The following UMODL1 variants were observed in gnomAD, a reference collection of about 807,000 sequenced individuals.
The protein encoded by UMODL1 is uromodulin-like 1.
UMODL1 carries 128 observed loss-of-function variants against 136.3 expected under a neutral mutation model. That is an observed-to-expected ratio of 0.94 (90% CI 0.81 to 1.09). The LOEUF is 1.09. Ranked by LOEUF, UMODL1 falls within the 50% of genes least tolerant of loss-of-function variation. The pLI is 0.00. For missense variants in UMODL1, 1,766 were observed against 1,725.6 expected (o/e 1.02, Z -0.41); for synonymous variants, 721 against 720.0 (o/e 1.00, Z -0.02).
chr21:42,125,533 G>C (rs563934341), intron 17 of UMODL1, among the ~76,000 whole-genome samples: 53 of 152,294 alleles, frequency 3.5e-4, no homozygotes, highest in African/African-American at 1.0e-3. Flanking sequence ...TCACCCTTCA[G>C]CCCCTCAAAT....
chr21:42,090,207 C>G lies in UMODL1; in HGVS notation c.791-91C>G. 4 of 1,552,068 alleles carry G rather than the reference C, an allele frequency of 2.6e-6. No individual in the cohort carries two copies. The South Asian group carries it at 3.6e-5, about 14-fold the overall frequency. ...ACCGACGTGGCACAAATCCGTGGCA[C>G]GAGTCCACAGAGGCCGTGTGTGTGC... On this transcript the variant is annotated intron_variant, in intron 5 of 22. Transcript: ENST00000408910.
At chr21:42,138,127 C>G (rs1032224668) in intron 22 of UMODL1, among the ~76,000 whole-genome samples, 1 of 152,132 alleles carries the variant, frequency 6.6e-6, no homozygotes, top group African/African-American at 2.4e-5. Context: ...CTTGACCACC[C>G]GGGCAAGGTC....
At position 42,123,182 on chromosome 21, in the gene UMODL1, C is replaced by T. The variant is rs2067003316; in HGVS notation, c.3147+32C>T. The T allele has an allele frequency of 6.3e-7, 1 of 1,581,744 alleles. No individual in the cohort carries two copies. The highest frequency in any genetic ancestry group is 8.6e-7 in the Non-Finnish European group (1 of 1,161,118). On this transcript the variant is annotated intron_variant, in intron 17 of 22. Transcript: ENST00000408910. This position sits in a 1 kb window ranked among gnomAD's most constrained non-coding sequence, Gnocchi z 4.4. ...CCAGGAGAGCCAGGCTCAGGATGTA[C>T]ACTAGGGCGCAAGGGGCTCTAGGTT...
upstream of UMODL1, among the ~76,000 whole-genome samples, chr21:42,066,651 A>G (rs1000834700): frequency 6.6e-6 from 1 of 152,194 alleles, no homozygotes. Context: ...ATAGGAGTTC[A>G]TTCTTCTTCT....
Position 42,121,193 on chromosome 21 carries a change from C to A in UMODL1, c.2796C>A (p.Phe932Leu). 6.2e-7 allele frequency: 1 copy of A among 1,613,946 alleles called. No homozygotes were observed. The highest frequency in any genetic ancestry group is 8.5e-7 in the Non-Finnish European group (1 of 1,179,938). ...GCTGCGAGGGAGGAGCCCCCGACTT[C>A]CCTGTGGAATATTCTGAGAGACCCT... ...TCSCEGGAPD[F>L]PVEYSERPCE... is the part of the protein sequence containing the mutation. Residue 932 changes from phenylalanine to leucine, a missense_variant, in exon 16 of 23, where the codon TTC (phenylalanine) becomes TTA (leucine). By Grantham distance (22) the Phe-to-Leu change is conservative. Coordinates refer to ENST00000408910, the MANE Select transcript of UMODL1 (RefSeq NM_001004416.3).
chr21:42,082,456 G>T (rs1569143744), intron 2 of UMODL1, among the ~76,000 whole-genome samples: 1 of 152,208 alleles, frequency 6.6e-6, no homozygotes, highest in Non-Finnish European at 1.5e-5. Flanking sequence ...ACATCCCCGG[G>T]CCATAGACAC....
rs766277337 is a variant in UMODL1 at position 42,129,732 on chromosome 21, T to G, written c.3710T>G (p.Leu1237Trp). The change falls in exon 21 of 23, where the codon TTG (leucine) becomes TGG (tryptophan). Residue 1237 changes from leucine (L) to tryptophan (W), a missense_variant. Coordinates refer to ENST00000408910, the MANE Select transcript of UMODL1 (RefSeq NM_001004416.3). ...AAACAGAATTGCAATAACTTTCGGT[T>G]GCTGCAAAATAGTGAAACCTCTGCC... Reference protein sequence around the residue: ...TCKINCNNFRLLQNSETSATH... With the variant: ...TCKINCNNFRWLQNSETSATH... 48 of 1,582,014 alleles carry G rather than the reference T, an allele frequency of 3.0e-5. No homozygotes were observed. Among genetic ancestry groups the G allele is most frequent in the Non-Finnish European group, 3.5e-5 (41 of 1,169,002 alleles).
chr21:42,127,718 T>C lies in UMODL1; in HGVS notation c.3577T>C (p.Ser1193Pro), dbSNP rs1157367000. Residue 1193 changes from serine (S) to proline (P), a missense_variant, in exon 20 of 23, where the codon TCC (serine) becomes CCC (proline). Ser to Pro is a moderately conservative substitution (Grantham distance 74). Transcript: ENST00000408910. ...CACCAACGTGATTGAGAACGGCAAC[T>C]CCAATAAGGCCCAGTTCAAGCTGAG... ...TYTNVIENGN[S>P]NKAQFKLRIF... 1 of 1,614,022 alleles carries C rather than the reference T, an allele frequency of 6.2e-7. No homozygotes were observed.
chr21:42,135,366 C>T (rs2067191724), intron 21 of UMODL1, among the ~76,000 whole-genome samples: 1 of 152,248 alleles, frequency 6.6e-6, no homozygotes, highest in Non-Finnish European at 1.5e-5. Flanking sequence ...GCAGCACTGG[C>T]CTGTGGACCC....
At chr21:42,130,505 T>C (rs1449881591) in intron 21 of UMODL1, among the ~76,000 whole-genome samples, 1 of 145,752 alleles carries the variant, frequency 6.9e-6, no homozygotes, top group Non-Finnish European at 1.6e-5. Context: ...TGTCCCGTAG[T>C]ATCTGTTCTC....
At chr21:42,118,864 T>A (rs2066931806) in intron 14 of UMODL1, among the ~76,000 whole-genome samples, 1 of 135,150 alleles carries the variant, frequency 7.4e-6, no homozygotes, top group African/African-American at 2.7e-5. Flanking sequence ...CAGGCATCTT[T>A]CTGAAGCCGT....
At chr21:42,119,884 G>A (rs749431002) in intron 15 of UMODL1, among the ~76,000 whole-genome samples, 6 of 152,292 alleles carry the variant, frequency 3.9e-5, no homozygotes, top group Middle Eastern at 3.4e-3. Context: ...AGAGGAAAAC[G>A]ATGAGATGCT....
At chr21:42,132,451 T>TC (rs1216340974) in intron 21 of UMODL1, among the ~76,000 whole-genome samples, 6 of 151,978 alleles carry the variant, frequency 3.9e-5, no homozygotes, top group Non-Finnish European at 7.4e-5. Flanking sequence ...TCAACTATCA[T>TC]CCATCTATCC....
At chr21:42,071,469 C>A (rs1216481762) in intron 1 of UMODL1, 77 bp downstream of exon 1, 3 of 1,366,720 alleles carry the variant, frequency 2.2e-6, no homozygotes, top group Non-Finnish European at 2.9e-6. Flanking sequence ...GGACAGCCCC[C>A]TGTGGAGACC....
chr21:42,116,172 C>CAAAAAAAAAAAAAAAA (rs56162491), intron 14 of UMODL1, among the ~76,000 whole-genome samples, 187 bp downstream of exon 14: 5 of 75,082 alleles, frequency 6.7e-5, no homozygotes, highest in Non-Finnish European at 9.4e-5. Flanking sequence ...CCATCTCCAC[C>CAAAAAAAAAAAAAAAA]AAAAAAAAAA....
upstream of UMODL1, among the ~76,000 whole-genome samples, chr21:42,066,642 T>C (rs2066185247): frequency 2.0e-5 from 3 of 152,190 alleles, 1 homozygote; most frequent in South Asian, 6.2e-4. Flanking sequence ...GTCATGAAGA[T>C]AGGAGTTCAT....
chr21:42,099,276 C>A lies in UMODL1; in HGVS notation c.1186+96C>A. On this transcript the variant is annotated intron_variant, in intron 7 of 22. Transcript: ENST00000408910. The surrounding 1 kb of genome is among the most constrained non-coding windows in gnomAD (Gnocchi z 4.1). ...CATGTCGCGTTCTTCTTCCTATAAC[C>A]AGGGCACCAGAAGTCACTGACCGCC... The A allele has an allele frequency of 6.7e-7, 1 of 1,497,920 alleles. No individual in the cohort carries two copies. The allele number at this position is 1,497,920 out of a possible 1,614,324, so 92.8% of individuals were successfully genotyped here. A position where few individuals can be genotyped will look rare whatever the true frequency, so the allele number is the denominator to read the frequency against.
Position 42,121,081 on chromosome 21 carries a change from G to C in UMODL1, c.2690-6G>C. ...TCTTCTGTTTTGTCTTCTAAATGTTGTGCAGATTACGATGAGTGTGAAAGG... is the reference window on the plus strand; with the variant it reads ...TCTTCTGTTTTGTCTTCTAAATGTTCTGCAGATTACGATGAGTGTGAAAGG... On this transcript the variant is annotated splice_region_variant and splice_polypyrimidine_tract_variant and intron_variant, in intron 15 of 22. Transcript: ENST00000408910. 1 of 1,611,576 alleles carries C rather than the reference G, an allele frequency of 6.2e-7. No individual in the cohort carries two copies. Among genetic ancestry groups the C allele is most frequent in the Non-Finnish European group, 8.5e-7 (1 of 1,178,734 alleles).
chr21:42,106,488 T>C lies in UMODL1; in HGVS notation c.1519+2401T>C, dbSNP rs373542308. ...GTGCGTCCACATGTCCCAACCCCGA[T>C]AGATGAGGCGCTGTTCGCCCGTGGA... On this transcript the variant is annotated intron_variant, in intron 9 of 22. Coordinates refer to ENST00000408910, the MANE Select transcript of UMODL1 (RefSeq NM_001004416.3). Among the ~76,000 whole-genome samples the C allele has an allele frequency of 2.0e-4, 31 of 152,296 alleles. No individual in the cohort carries two copies. The East Asian group carries it at 5.8e-3, about 28-fold the overall frequency.
Sources: gnomAD v4.1 joint callset for allele counts (sites outside exome capture counted in the v4.1 genomes callset) on GRCh38, gnomAD v4.1.1 for gene constraint, Gnocchi (gnomAD v3.1) non-coding constraint, MANE v1.5 for transcripts, NCBI Gene and HGNC (gene_info 2026-07-23, HGNC 2026-07-21) for gene names.